Variants in ITGB8 observed in about 807,000 individuals in gnomAD.
The protein encoded by ITGB8 is integrin subunit beta 8.
A neutral mutation model predicts 89.5 loss-of-function variants in ITGB8; 30 were observed. That is an observed-to-expected ratio of 0.34 (90% confidence interval 0.25 to 0.45). The LOEUF is 0.45. Among genes scored for constraint, ITGB8 ranks in the 20% least tolerant of loss-of-function variants. The pLI is 1.00. For synonymous variants in ITGB8, 335 were observed against 320.4 expected, an observed-to-expected ratio of 1.05 and a Z score of -0.49; for missense variants, 836 against 933.3, an observed-to-expected ratio of 0.90 and a Z score of 1.36.
At chr7:20,338,672 G>A (rs897281901) in intron 1 of ITGB8, among the ~76,000 whole-genome samples, 9 of 152,126 alleles carry the variant, frequency 5.9e-5, no homozygotes, top group Middle Eastern at 3.4e-3. Context: ...TTATTGAGCC[G>A]GGGAGACAAA....
chr7:20,366,522 T>C (rs1225835206), intron 2 of ITGB8: 1 of 153,496 alleles, frequency 6.5e-6, no homozygotes, highest in Non-Finnish European at 1.4e-5. Context: ...TCTAGCACTT[T>C]GGGAGGCCGA....
intron 1 of ITGB8, among the ~76,000 whole-genome samples, chr7:20,351,792 T>C (rs1032640116): frequency 1.3e-5 from 2 of 152,230 alleles, no homozygotes; most frequent in African/African-American, 4.8e-5. Flanking sequence ...GTTTAAAAGA[T>C]ACAATGTAGA....
chr7:20,331,673 G>C lies in ITGB8; in HGVS notation c.-134G>C, dbSNP rs1784400137. On this transcript the variant is annotated 5_prime_UTR_variant, in exon 1 of 14. Coordinates refer to ENST00000222573, the MANE Select transcript of ITGB8 (RefSeq NM_002214.3). ...ACCTGCACCGCTTGCTCCGAGCCGC[G>C]GGGTCCGCCTGCTAGGCCTGCGGAA... The C allele has an allele frequency of 6.4e-6, 7 of 1,100,094 alleles. No individual in the cohort carries two copies. The highest frequency in any genetic ancestry group is 6.8e-5 in the Admixed American group (2 of 29,224). The allele number at this position is 1,100,094 out of a possible 1,614,324, so 68.1% of individuals were successfully genotyped here.
chr7:20,342,236 C>A (rs1445723790), intron 1 of ITGB8, among the ~76,000 whole-genome samples: 1 of 152,170 alleles, frequency 6.6e-6, no homozygotes, highest in Admixed American at 6.5e-5. Context: ...ACAGAGGACC[C>A]ACTAACTGGT....
Position 20,394,916 on chromosome 7 carries a change from A to T in ITGB8, c.1077A>T (p.Pro359=). The change falls in exon 8 of 14, where the codon CCA becomes CCT. Residue 359 remains proline (P), a synonymous_variant. Coordinates refer to ENST00000222573, the MANE Select transcript of ITGB8 (RefSeq NM_002214.3). ...HWYKDLLPLL[P]GTIAGEIESK... ...TATAGGATCTTCTACCCCTCTTGCC[A>T]GGCACCATTGCTGGTGAAATAGAAT... 1.2e-6 allele frequency: 2 copies of T among 1,613,166 alleles called. No homozygotes were observed. The highest frequency in any genetic ancestry group is 1.6e-4 in the Middle Eastern group (1 of 6,062).
In ITGB8 at chr7:20,412,681, T is replaced by C. The variant is rs1787805629; in HGVS notation, c.*2684T>C. 6.6e-6 allele frequency: 1 copy of C among 152,666 alleles called. No individual in the cohort carries two copies. Among genetic ancestry groups the C allele is most frequent in the Non-Finnish European group, 1.5e-5 (1 of 68,040 alleles). The allele number at this position is 152,666 out of a possible 1,614,324, so 9.5% of individuals were successfully genotyped here. On this transcript the variant is annotated 3_prime_UTR_variant, in exon 14 of 14. Coordinates refer to ENST00000222573, the MANE Select transcript of ITGB8 (RefSeq NM_002214.3). ...TTATGCTTGCAAAGTCTTGTGCTTA[T>C]CTTTTTTGTTTTTACTTAAAAAGCT...
chr7:20,371,167 A>T (rs1268633539), intron 3 of ITGB8, among the ~76,000 whole-genome samples: 1 of 152,218 alleles, frequency 6.6e-6, no homozygotes, highest in Non-Finnish European at 1.5e-5. Context: ...TAGATAATAA[A>T]AAATAATTCA....
intron 9 of ITGB8, among the ~76,000 whole-genome samples, chr7:20,400,017 G>A (rs1263654078): frequency 6.6e-6 from 1 of 152,076 alleles, no homozygotes; most frequent in Non-Finnish European, 1.5e-5. Context: ...TGATCACTCC[G>A]TGGATTTTGT....
intron 1 of ITGB8, among the ~76,000 whole-genome samples, chr7:20,344,344 C>T (rs1242936539): frequency 6.6e-6 from 1 of 152,102 alleles, no homozygotes; most frequent in East Asian, 1.9e-4. Context: ...ACTGAAGGTT[C>T]CAGCTATTTA....
chr7:20,374,428 T>C (rs1786051892), intron 3 of ITGB8, among the ~76,000 whole-genome samples: 1 of 150,886 alleles, frequency 6.6e-6, no homozygotes, highest in Admixed American at 6.6e-5. Flanking sequence ...ATTTACTATA[T>C]AGGCAATACT....
chr7:20,394,248 G>A (rs2127975816), intron 7 of ITGB8, among the ~76,000 whole-genome samples: 1 of 152,288 alleles, frequency 6.6e-6, no homozygotes, highest in South Asian at 2.1e-4. Flanking sequence ...CCTTTAGTCA[G>A]ATTGGCTTTT....
At chr7:20,365,433 A>G (rs558617866) in intron 2 of ITGB8, 1 of 152,322 alleles carries the variant, frequency 6.6e-6, no homozygotes, top group Non-Finnish European at 1.5e-5. Flanking sequence ...ACCAGTTTCT[A>G]ATGTTATAAA....
At chr7:20,369,616 A>T in intron 3 of ITGB8, among the ~76,000 whole-genome samples, 1 of 152,172 alleles carries the variant, frequency 6.6e-6, no homozygotes. Flanking sequence ...CCAACATATG[A>T]ATTTTTCGGA....
intron 11 of ITGB8, 57 bp downstream of exon 11, chr7:20,404,910 G>A (rs73088494): frequency 0.021 from 30,586 of 1,448,680 alleles, 423 homozygotes; most frequent in Non-Finnish European, 0.026. Context: ...GTCCTTTTTC[G>A]TTCTGACTTC....
At chr7:20,334,043 C>G (rs1482488538) in intron 1 of ITGB8, among the ~76,000 whole-genome samples, 1 of 152,082 alleles carries the variant, frequency 6.6e-6, no homozygotes, top group Non-Finnish European at 1.5e-5. Flanking sequence ...ACAAAAGAGA[C>G]CAGAAGCTGC....
At position 20,399,787 on chromosome 7, in the gene ITGB8, T is replaced by C. The variant is rs1166613078; in HGVS notation, c.1281+793T>C. On this transcript the variant is annotated intron_variant, in intron 9 of 13. Coordinates refer to ENST00000222573, the MANE Select transcript of ITGB8 (RefSeq NM_002214.3). ...TGTTTAAATGAATGACTTGGACTAGTAGATTTCCAACCCCTTTTAATCTAA... is the reference window on the plus strand; with the variant it reads ...TGTTTAAATGAATGACTTGGACTAGCAGATTTCCAACCCCTTTTAATCTAA... Among the ~76,000 whole-genome samples, 3 of 152,312 alleles carry C rather than the reference T, an allele frequency of 2.0e-5. No homozygotes were observed. The East Asian group carries it at 5.8e-4, about 29-fold the overall frequency.
At chr7:20,380,476 A>G (rs552660655) in intron 4 of ITGB8, 190 bp from the exon 5 acceptor site, 36 of 544,424 alleles carry the variant, frequency 6.6e-5, no homozygotes, top group African/African-American at 6.5e-4. Context: ...CTTATTTCCT[A>G]TTTGCAAAGA....
At chr7:20,361,410 C>T (rs1406905976) in intron 1 of ITGB8, among the ~76,000 whole-genome samples, 1 of 152,214 alleles carries the variant, frequency 6.6e-6, no homozygotes, top group Non-Finnish European at 1.5e-5. Context: ...CTTCTTACAG[C>T]TCTGGAGGCT....
chr7:20,361,526 G>A (rs979512396), intron 1 of ITGB8, among the ~76,000 whole-genome samples: 1 of 152,172 alleles, frequency 6.6e-6, no homozygotes, highest in African/African-American at 2.4e-5. Flanking sequence ...TAAAAGCTTT[G>A]GAGCCTTAAT....
Sources: gnomAD v4.1 joint callset for allele counts (sites outside exome capture counted in the v4.1 genomes callset) on GRCh38, gnomAD v4.1.1 for gene constraint, MANE v1.5 for transcripts, NCBI Gene and HGNC (gene_info 2026-07-23, HGNC 2026-07-21) for gene names.